The following ITGB1 variants were observed in gnomAD, a reference collection of about 807,000 sequenced individuals.
The protein encoded by ITGB1 is integrin beta-1.
Under a neutral mutation model 86.5 loss-of-function variants are expected in ITGB1, and 24 were observed. That is an observed-to-expected ratio of 0.28 (90% CI 0.20 to 0.39). The LOEUF is 0.39. Ranked by LOEUF, ITGB1 falls within the 10% of genes least tolerant of loss-of-function variation. The pLI, the probability that ITGB1 is intolerant of heterozygous loss-of-function variation, is 1.00. For synonymous variants in ITGB1, 323 were observed against 316.8 expected (o/e 1.02, Z -0.21); for missense variants, 556 against 946.9 (o/e 0.59, Z 5.42).
At chr10:32,934,698 T>A (rs940834379) in intron 2 of ITGB1, among the ~76,000 whole-genome samples, 3 of 152,242 alleles carry the variant, frequency 2.0e-5, no homozygotes, top group African/African-American at 7.2e-5. Flanking sequence ...TCTTTTATAA[T>A]TTTGTTATGT....
At chr10:32,921,344 G>A (rs935279678) in intron 9 of ITGB1, among the ~76,000 whole-genome samples, 2 of 152,036 alleles carry the variant, frequency 1.3e-5, no homozygotes, top group African/African-American at 2.4e-5. Context: ...GAAAAGCTGT[G>A]GAACAAGTAA....
intron 6 of ITGB1, among the ~76,000 whole-genome samples, chr10:32,924,404 G>C (rs1004217421): frequency 6.6e-6 from 1 of 152,076 alleles, no homozygotes; most frequent in South Asian, 2.1e-4. Flanking sequence ...AAAATCATAG[G>C]ACTATAGGAA....
intron 1 of ITGB1, among the ~76,000 whole-genome samples, chr10:32,956,907 T>C (rs763279036): frequency 1.1e-4 from 16 of 152,168 alleles, no homozygotes; most frequent in Admixed American, 5.2e-4. Context: ...TTGCATTTGA[T>C]TTTCAGAACT....
At chr10:32,947,779 T>C (rs143733251) in intron 1 of ITGB1, among the ~76,000 whole-genome samples, 1 of 152,336 alleles carries the variant, frequency 6.6e-6, no homozygotes, top group African/African-American at 2.4e-5. Context: ...AGTGCAGAGT[T>C]ACACTGGCAA....
At chr10:32,931,579 T>C (rs930071903) in intron 3 of ITGB1, among the ~76,000 whole-genome samples, 3 of 152,152 alleles carry the variant, frequency 2.0e-5, no homozygotes, top group Non-Finnish European at 2.9e-5. Flanking sequence ...TCCTCCACTG[T>C]TGCCAATGTA....
chr10:32,931,242 C>T (rs766023199), intron 3 of ITGB1, among the ~76,000 whole-genome samples: 13 of 152,042 alleles, frequency 8.6e-5, no homozygotes, highest in African/African-American at 1.2e-4. Flanking sequence ...AATCAATCCA[C>T]GAAATTTACA....
chr10:32,932,627 A>C, intron 2 of ITGB1, 27 bp from the exon 3 acceptor site: 1 of 1,263,862 alleles, frequency 7.9e-7, no homozygotes. Context: ...AGAACAGAAC[A>C]TTTTATGTGA....
At chr10:32,920,996 AAAACAAAAACAG>A (rs1227028461) in intron 9 of ITGB1, among the ~76,000 whole-genome samples, 10 of 151,426 alleles carry the variant, frequency 6.6e-5, no homozygotes, top group Admixed American at 2.0e-4. Flanking sequence ...AACAAAAACA[AAAACAAAAACAG>A]AAACCCCCCA....
intron 11 of ITGB1, among the ~76,000 whole-genome samples, chr10:32,916,442 C>T (rs1050361046): frequency 3.9e-5 from 6 of 152,188 alleles, no homozygotes; most frequent in Non-Finnish European, 8.8e-5. Context: ...TAGAAAACCC[C>T]ATCGTCTCAG....
intron 1 of ITGB1, among the ~76,000 whole-genome samples, chr10:32,940,947 G>A (rs772495660): frequency 2.0e-5 from 3 of 152,170 alleles, no homozygotes; most frequent in Non-Finnish European, 2.9e-5. Context: ...GGAAATACAA[G>A]GGTCACTGCT....
chr10:32,904,422 A>G (rs1037191491), intron 15 of ITGB1, among the ~76,000 whole-genome samples: 4 of 152,212 alleles, frequency 2.6e-5, no homozygotes, highest in African/African-American at 9.7e-5. Flanking sequence ...TATTAAATAC[A>G]TAATGCAGAA....
intron 1 of ITGB1, among the ~76,000 whole-genome samples, chr10:32,939,305 G>A (rs751271350): frequency 1.3e-5 from 2 of 152,194 alleles, no homozygotes; most frequent in African/African-American, 2.4e-5. Flanking sequence ...CACGGTCAAA[G>A]ACCTAGAAAC....
chr10:32,902,807 CAAGG>C, intron 15 of ITGB1, among the ~76,000 whole-genome samples: 1 of 152,162 alleles, frequency 6.6e-6, no homozygotes, highest in Admixed American at 6.5e-5. Flanking sequence ...TTTCTGCCCT[CAAGG>C]AAGGTATAGT....
chr10:32,928,473 G>A (rs1324597699), intron 4 of ITGB1, among the ~76,000 whole-genome samples: 1 of 152,090 alleles, frequency 6.6e-6, no homozygotes, highest in Non-Finnish European at 1.5e-5. Context: ...AGGCCTTCAG[G>A]ATGCAAAGAT....
chr10:32,951,301 A>G (rs75259832), intron 1 of ITGB1, among the ~76,000 whole-genome samples: 6,403 of 152,180 alleles, frequency 0.042, 467 homozygotes, highest in African/African-American at 0.15. Flanking sequence ...ATAGACACCA[A>G]GAACAGAATC....
At chr10:32,913,078 C>T (rs567407000) in intron 11 of ITGB1, among the ~76,000 whole-genome samples, 1 of 152,314 alleles carries the variant, frequency 6.6e-6, no homozygotes, top group East Asian at 1.9e-4. Flanking sequence ...AGCAAACTCC[C>T]AACAGACCTG....
intron 11 of ITGB1, among the ~76,000 whole-genome samples, chr10:32,916,586 T>C (rs1229386562): frequency 6.6e-6 from 1 of 152,144 alleles, no homozygotes; most frequent in Non-Finnish European, 1.5e-5. Context: ...GAACTCCCAT[T>C]CATAACTGCT....
In ITGB1 at chr10:32,949,776, C is replaced by CATGTTCAAACTTTTA. The variant is rs1455077024; in HGVS notation, c.-1+8354_-1+8368dup. The stretch of plus-strand genomic sequence containing the variant: ...TATCCATAAAAGTATGGTTTTATAT[C>CATGTTCAAACTTTTA]ATGTTCAAACTTTTAAATACACACT... On this transcript the variant is annotated intron_variant, in intron 1 of 15. Transcript: ENST00000302278. 2.0e-5 allele frequency among the ~76,000 whole-genome samples: 3 copies of CATGTTCAAACTTTTA among 152,122 alleles called. No homozygotes were observed. In the East Asian group the frequency reaches 5.8e-4, roughly 29 times the overall value.
At chr10:32,914,374 T>A (rs2094924826) in intron 11 of ITGB1, among the ~76,000 whole-genome samples, 1 of 152,110 alleles carries the variant, frequency 6.6e-6, no homozygotes, top group Non-Finnish European at 1.5e-5. Context: ...ACTGGCAAAT[T>A]GGATAAAGAG....
Sources: gnomAD v4.1 joint callset for allele counts (sites outside exome capture counted in the v4.1 genomes callset) on GRCh38, gnomAD v4.1.1 for gene constraint, MANE v1.5 for transcripts, NCBI Gene and HGNC (gene_info 2026-07-23, HGNC 2026-07-21) for gene names.